ODAD4: variants seen among roughly 807,000 people sequenced by gnomAD.
The protein encoded by ODAD4 is outer dynein arm docking complex subunit 4, also known as outer dynein arm-docking complex subunit 4.
A neutral mutation model predicts 51.8 loss-of-function variants in ODAD4; 49 were observed. That is an observed-to-expected ratio of 0.95 (90% confidence interval 0.75 to 1.20). The LOEUF is 1.20. Among genes scored for constraint, ODAD4 ranks in the 50% most tolerant of loss-of-function variants. ODAD4 has a pLI of 0.00. For synonymous variants in ODAD4, 235 were observed against 221.3 expected (o/e 1.06, Z -0.55); for missense variants, 590 against 586.5 (o/e 1.01, Z -0.06).
chr17:41,946,178 A>G (rs1166947407), intron 8 of ODAD4, among the ~76,000 whole-genome samples: 1 of 152,106 alleles, frequency 6.6e-6, no homozygotes, highest in Non-Finnish European at 1.5e-5. Context: ...CCCGAAGGTC[A>G]AGCTCCACCA....
chr17:41,933,813 C>CA (rs1418412109), intron 1 of ODAD4, among the ~76,000 whole-genome samples: 2 of 150,040 alleles, frequency 1.3e-5, no homozygotes, highest in African/African-American at 4.9e-5. Flanking sequence ...GACTCTGTCT[C>CA]AAAAAAGAAA....
Position 41,939,100 on chromosome 17 carries a change from C to T in ODAD4, c.986C>T (p.Ala329Val), listed in dbSNP as rs781882216. 4 of 1,614,010 alleles carry T rather than the reference C, an allele frequency of 2.5e-6. No individual in the cohort carries two copies. Among genetic ancestry groups the T allele is most frequent in the Non-Finnish European group, 3.4e-6 (4 of 1,179,878 alleles). ...AACTTGTATAGCTGCATAGGGAATG[C>T]CCAGATTGAGCTGGGGCAGATGGAG... is the stretch of plus-strand genomic sequence containing the variant. Reference protein sequence around the residue: ...VGNLYSCIGNAQIELGQMEAA... With the variant: ...VGNLYSCIGNVQIELGQMEAA... The change falls in exon 7 of 12, where the codon GCC becomes GTC. Residue 329 changes from alanine to valine, a missense_variant. Ala to Val is a moderately conservative substitution (Grantham distance 64). This residue lies in a region of ODAD4 where 360 missense variants were observed against 407.5 expected (regional missense o/e 0.88). Coordinates refer to ENST00000377540, the MANE Select transcript of ODAD4 (RefSeq NM_031421.5).
At position 41,938,719 on chromosome 17, in the gene ODAD4, A is replaced by G; in HGVS notation, c.788A>G (p.His263Arg). Residue 263 changes from histidine (H) to arginine (R), a missense_variant, in exon 6 of 12, where the codon CAC becomes CGC. His to Arg is a conservative substitution (Grantham distance 29). Around this residue, in one of 3 missense-constraint regions of ODAD4, gnomAD observed 360 missense variants for 407.5 expected, o/e 0.88. Coordinates refer to ENST00000377540, the MANE Select transcript of ODAD4 (RefSeq NM_031421.5). ...KLMQEKWLRD[H>R]KRRPSQTAHY... ...ATGCAAGAGAAATGGCTGCGGGACC[A>G]CAAACGCCGTCCCTCACAGACAGCC... 1 of 1,613,882 alleles carries G rather than the reference A, an allele frequency of 6.2e-7. No homozygotes were observed. The highest frequency in any genetic ancestry group is 8.5e-7 in the Non-Finnish European group (1 of 1,179,900).
intron 11 of ODAD4, among the ~76,000 whole-genome samples, chr17:41,962,956 C>T (rs1200971255): frequency 6.6e-6 from 1 of 152,154 alleles, no homozygotes; most frequent in African/African-American, 2.4e-5. Context: ...TATCCAGCAC[C>T]TGCTCTGTGG....
chr17:41,945,352 A>G, intron 8 of ODAD4, 130 bp downstream of exon 8: 1 of 699,156 alleles, frequency 1.4e-6, no homozygotes, highest in Non-Finnish European at 2.4e-6. Flanking sequence ...ACAAAAAAAA[A>G]AAAAAAAAAA....
intron 8 of ODAD4, among the ~76,000 whole-genome samples, chr17:41,946,875 G>A (rs1365041238): frequency 6.6e-6 from 1 of 151,016 alleles, no homozygotes; most frequent in African/African-American, 2.4e-5. Context: ...TTTTGAGACG[G>A]AGTCTCGCTC....
intron 8 of ODAD4, 83 bp from the exon 9 acceptor site, chr17:41,949,070 C>G (rs975051967): frequency 5.0e-6 from 2 of 397,730 alleles, no homozygotes; most frequent in African/African-American, 4.1e-5. Context: ...TTTATTCCGC[C>G]ACCCAGCAGG....
intron 7 of ODAD4, among the ~76,000 whole-genome samples, chr17:41,944,447 C>A (rs111648524): frequency 1.5e-3 from 12 of 7,796 alleles, no homozygotes; most frequent in East Asian, 8.2e-3. Flanking sequence ...CACACACACC[C>A]CCCCGCATAC....
chr17:41,935,889 G>T, intron 3 of ODAD4, 140 bp downstream of exon 3: 2 of 1,035,376 alleles, frequency 1.9e-6, no homozygotes, highest in Non-Finnish European at 2.8e-6. Context: ...CTGCTGCAGT[G>T]TTGTTGAGGA....
Position 41,938,751 on chromosome 17 carries a change from A to G in ODAD4, c.820A>G (p.Ile274Val). ...CCGTCCCTCACAGACAGCCCATTACATCCTCAAGAGCCTGGAGGACATTGA... is the reference window on the plus strand; with the variant it reads ...CCGTCCCTCACAGACAGCCCATTACGTCCTCAAGAGCCTGGAGGACATTGA... ...KRRPSQTAHY[I>V]LKSLEDIDML... Residue 274 changes from isoleucine to valine, a missense_variant, in exon 6 of 12, where the codon ATC (isoleucine) becomes GTC (valine). This residue lies in a region of ODAD4 where 360 missense variants were observed against 407.5 expected (regional missense o/e 0.88). Coordinates refer to ENST00000377540, the MANE Select transcript of ODAD4 (RefSeq NM_031421.5). 6.2e-7 allele frequency: 1 copy of G among 1,613,562 alleles called. No homozygotes were observed. The highest frequency in any genetic ancestry group is 8.5e-7 in the Non-Finnish European group (1 of 1,179,896).
At chr17:41,957,479 C>T (rs928997667) in intron 10 of ODAD4, among the ~76,000 whole-genome samples, 3 of 152,164 alleles carry the variant, frequency 2.0e-5, no homozygotes, top group Admixed American at 6.6e-5. Flanking sequence ...CTGTGTGGCC[C>T]GGTTCCTAAC....
chr17:41,946,637 A>G (rs1185430218), intron 8 of ODAD4, among the ~76,000 whole-genome samples: 1 of 151,318 alleles, frequency 6.6e-6, no homozygotes, highest in Non-Finnish European at 1.5e-5. Context: ...ATTTATCACT[A>G]TTTTATTTTA....
At position 41,930,655 on chromosome 17, in the gene ODAD4, C is replaced by A; in HGVS notation, c.-69C>A. 1 of 1,055,238 alleles carries A rather than the reference C, an allele frequency of 9.5e-7. No homozygotes were observed. Among genetic ancestry groups the A allele is most frequent in the Non-Finnish European group, 1.4e-6 (1 of 702,946 alleles). The allele number at this position is 1,055,238 out of a possible 1,614,324, so 65.4% of individuals were successfully genotyped here. Reference sequence around the variant, plus strand: ...TGGTTGCTAAGAAACGGAGCTTCCACAAACCAGATAGAGGTTCTCCAGCTT... The same window carrying A: ...TGGTTGCTAAGAAACGGAGCTTCCAAAAACCAGATAGAGGTTCTCCAGCTT... On this transcript the variant is annotated 5_prime_UTR_variant, in exon 1 of 12. Coordinates refer to ENST00000377540, the MANE Select transcript of ODAD4 (RefSeq NM_031421.5).
intron 9 of ODAD4, among the ~76,000 whole-genome samples, chr17:41,951,090 C>CT (rs1357997882): frequency 0.67 from 97,711 of 145,606 alleles, 33,663 homozygotes; most frequent in East Asian, 0.83. Context: ...AAATTTTCTT[C>CT]TTTTTTTTTT....
chr17:41,935,322 C>T lies in ODAD4; in HGVS notation c.220C>T (p.Leu74Phe). 6.2e-7 allele frequency: 1 copy of T among 1,613,962 alleles called. No homozygotes were observed. The highest frequency in any genetic ancestry group is 1.1e-5 in the South Asian group (1 of 91,074). Residue 74 changes from leucine to phenylalanine, a missense_variant, in exon 2 of 12, where the codon CTC becomes TTC. Leu to Phe is a conservative substitution (Grantham distance 22, BLOSUM62 0). This residue lies in a region of ODAD4 where 360 missense variants were observed against 407.5 expected (regional missense o/e 0.88). Coordinates refer to ENST00000377540, the MANE Select transcript of ODAD4 (RefSeq NM_031421.5). ...ATCCCTGAAGGATGCTGAGGCTTCG[C>T]TCCAGAGTGACCCAGCTTTCTGTAA... ...ERSLKDAEAS[L>F]QSDPAFCKGI...
At chr17:41,956,250 T>C (rs1555640987) in intron 10 of ODAD4, among the ~76,000 whole-genome samples, 1 of 151,876 alleles carries the variant, frequency 6.6e-6, no homozygotes, top group Middle Eastern at 3.2e-3. Flanking sequence ...GGTTTCACCA[T>C]GTTGGCCAGG....
intron 11 of ODAD4, among the ~76,000 whole-genome samples, chr17:41,962,265 G>T (rs1435214487): frequency 6.6e-6 from 1 of 152,222 alleles, no homozygotes; most frequent in African/African-American, 2.4e-5. Context: ...CACCTGCGGC[G>T]CTGCTCTCGG....
At chr17:41,960,790 A>G (rs1223864832) in intron 10 of ODAD4, among the ~76,000 whole-genome samples, 3 of 152,134 alleles carry the variant, frequency 2.0e-5, no homozygotes, top group African/African-American at 4.8e-5. Context: ...CAGGCCCCGG[A>G]GCTGCTCAGT....
intron 1 of ODAD4, among the ~76,000 whole-genome samples, chr17:41,931,733 G>A (rs781857334): frequency 1.3e-5 from 2 of 151,948 alleles, no homozygotes; most frequent in African/African-American, 4.8e-5. Flanking sequence ...GTAGAGACAG[G>A]GTTTCACCAT....
Sources: allele counts gnomAD v4.1 joint callset (sites outside exome capture counted in the v4.1 genomes callset), GRCh38; gene constraint gnomAD v4.1.1; regional missense constraint gnomAD v4.1.1; transcripts MANE v1.5; gene names NCBI Gene and HGNC (gene_info 2026-07-23, HGNC 2026-07-21).